The following XYLB variants were observed in gnomAD, a reference collection of about 807,000 sequenced individuals.
The protein encoded by XYLB is xylulose kinase.
A neutral mutation model predicts 78.7 loss-of-function variants in XYLB; 62 were observed. The observed-to-expected ratio is 0.79, with a 90% confidence interval of 0.64 to 0.97. The LOEUF (loss-of-function observed/expected upper bound fraction) is 0.97, where lower values mean the gene tolerates loss of function less well. Among genes scored for constraint, XYLB ranks in the 50% least tolerant of loss-of-function variants. The probability of loss-of-function intolerance (pLI) is 0.00; values close to 1 mark genes in which losing one functional copy is unlikely to be tolerated. For synonymous variants in XYLB, 245 were observed against 247.4 expected, an observed-to-expected ratio of 0.99 and a Z score of 0.09; for missense variants, 687 against 676.8, an observed-to-expected ratio of 1.02 and a Z score of -0.17.
chr3:38,450,676 T>C, the XYLB span, among the ~76,000 whole-genome samples: 9 of 152,220 alleles, frequency 5.9e-5, no homozygotes, highest in Non-Finnish European at 1.3e-4. Context: ...TTTTCAAATA[T>C]CCATTATCAC....
intron 4 of XYLB, among the ~76,000 whole-genome samples, chr3:38,364,428 C>T (rs974460154): frequency 2.0e-5 from 3 of 152,026 alleles, no homozygotes; most frequent in African/African-American, 2.4e-5. Flanking sequence ...CCCTGGTAAT[C>T]CAGGGTTCCT....
At chr3:38,376,311 G>T (rs1706853573) in intron 13 of XYLB, 79 bp downstream of exon 13, 3 of 965,828 alleles carry the variant, frequency 3.1e-6, no homozygotes, top group Non-Finnish European at 5.0e-6. Context: ...GGCCCCATGA[G>T]CTGGGGGAGA....
chr3:38,367,593 C>T (rs1427348776), intron 7 of XYLB, among the ~76,000 whole-genome samples: 2 of 152,158 alleles, frequency 1.3e-5, no homozygotes, highest in East Asian at 3.9e-4. Context: ...GTGTGTGGAA[C>T]GAAGTTTGCC....
chr3:38,348,766 G>A, intron 2 of XYLB, 134 bp downstream of exon 2: 1 of 735,212 alleles, frequency 1.4e-6, no homozygotes, highest in East Asian at 2.7e-5. Context: ...GACCTTTCAA[G>A]CATCTTTTTT....
At chr3:38,347,056 G>C in intron 1 of XYLB, 131 bp downstream of exon 1, 1 of 945,562 alleles carries the variant, frequency 1.1e-6, no homozygotes, top group Non-Finnish European at 1.4e-6. Flanking sequence ...GGCTTCCCGG[G>C]GCCCCCGCGC....
chr3:38,353,847 A>AGCAGTGAGCTGAGG, intron 2 of XYLB, among the ~76,000 whole-genome samples: 1 of 144,050 alleles, frequency 6.9e-6, no homozygotes, highest in Non-Finnish European at 1.5e-5. Flanking sequence ...AGATTGTGCC[A>AGCAGTGAGCTGAGG]CTGCATTCCA....
chr3:38,356,244 C>G (rs1442545747), intron 2 of XYLB: 1 of 70,046 alleles, frequency 1.4e-5, no homozygotes, highest in Non-Finnish European at 3.0e-5. Flanking sequence ...GAGCAAGACT[C>G]TGTCTCAAAA....
chr3:38,347,224 C>T (rs915509910), intron 1 of XYLB, among the ~76,000 whole-genome samples: 2 of 152,228 alleles, frequency 1.3e-5, no homozygotes, highest in Non-Finnish European at 2.9e-5. Context: ...CCCAGAGGGG[C>T]CGGAGGACTC....
intron 18 of XYLB, among the ~76,000 whole-genome samples, chr3:38,407,090 C>T (rs1369407711): frequency 6.9e-6 from 1 of 144,954 alleles, no homozygotes; most frequent in Non-Finnish European, 1.5e-5. Context: ...GTCAGATTCA[C>T]CAAAGTTGAA....
At chr3:38,440,180 C>T in the XYLB span, among the ~76,000 whole-genome samples, 8 of 152,286 alleles carry the variant, frequency 5.3e-5, no homozygotes, top group East Asian at 1.4e-3. Context: ...GGTCTGATTT[C>T]CTCAAGATTA....
Position 38,365,100 on chromosome 3 carries a change from C to G in XYLB, c.292-99C>G. On this transcript the variant is annotated intron_variant, in intron 4 of 18. Transcript: ENST00000207870. ...AGAAGTGGCAGGGGCAGGTGTGGAG[C>G]CCAGTTCTTTGGCATGTGGTCTGGG... The G allele has an allele frequency of 2.8e-6, 3 of 1,063,326 alleles. No individual in the cohort carries two copies. In the South Asian group the frequency reaches 4.1e-5, roughly 15 times the overall value. The allele number at this position is 1,063,326 out of a possible 1,614,324, so 65.9% of individuals were successfully genotyped here. A position where few individuals can be genotyped will look rare whatever the true frequency, so the allele number is the denominator to read the frequency against.
intron 17 of XYLB, among the ~76,000 whole-genome samples, chr3:38,397,458 G>A (rs1707920878): frequency 1.3e-5 from 2 of 152,174 alleles, no homozygotes; most frequent in Non-Finnish European, 1.5e-5. Flanking sequence ...AGAGCACGTG[G>A]GCATGAGTCT....
chr3:38,433,503 G>T, the XYLB span, among the ~76,000 whole-genome samples: 1 of 152,106 alleles, frequency 6.6e-6, no homozygotes, highest in Non-Finnish European at 1.5e-5. Flanking sequence ...AAACTTTTAT[G>T]CTCTGCTTCC....
At position 38,408,425 on chromosome 3, in the gene XYLB, G is replaced by A. The variant is rs1435400496; in HGVS notation, c.1534-4511G>A. Among the ~76,000 whole-genome samples, 773 of 150,200 alleles carry A rather than the reference G, an allele frequency of 5.1e-3. 2 individuals are homozygous for A. Among genetic ancestry groups the A allele is most frequent in the African/African-American group, 0.018 (726 of 41,266 alleles). ...TTTATAGCACTAAATGCCCACAAGAGAAAGCAGGAAAGATCCAAAATTGAC... is the reference window on the plus strand; with the variant it reads ...TTTATAGCACTAAATGCCCACAAGAAAAAGCAGGAAAGATCCAAAATTGAC... On this transcript the variant is annotated intron_variant, in intron 18 of 18. Coordinates refer to ENST00000207870, the MANE Select transcript of XYLB (RefSeq NM_005108.4).
rs1708715165 is a variant in XYLB, at chr3:38,414,285, T to C, written c.*1272T>C. 6.6e-6 allele frequency: 1 copy of C among 152,224 alleles called. No homozygotes were observed. Among genetic ancestry groups the C allele is most frequent in the Admixed American group, 6.5e-5 (1 of 15,286 alleles). The allele number at this position is 152,224 out of a possible 1,614,324, so 9.4% of individuals were successfully genotyped here. A position where few individuals can be genotyped will look rare whatever the true frequency, so the allele number is the denominator to read the frequency against. On this transcript the variant is annotated 3_prime_UTR_variant, in exon 19 of 19. Transcript: ENST00000207870. The stretch of plus-strand genomic sequence containing the variant: ...TGAATGGGACCAAAGGCATCACTTC[T>C]GATGGAGATGAAGCCATCTTGAAAG...
chr3:38,408,122 A>G (rs1288130707), intron 18 of XYLB, among the ~76,000 whole-genome samples: 1,310 of 124,196 alleles, frequency 0.011, no homozygotes, highest in Non-Finnish European at 0.013. Context: ...AAAATTGACC[A>G]CATACTTGGA....
chr3:38,357,804 T>A (rs75637448), intron 2 of XYLB, among the ~76,000 whole-genome samples: 1 of 152,110 alleles, frequency 6.6e-6, no homozygotes. Context: ...TGATGTTGAG[T>A]ATCTTTGCCA....
chr3:38,430,017 TG>T, the XYLB span, among the ~76,000 whole-genome samples: 1 of 152,230 alleles, frequency 6.6e-6, no homozygotes, highest in Non-Finnish European at 1.5e-5. Flanking sequence ...AGTAAACATA[TG>T]TGTTCGTGTG....
intron 9 of XYLB, 64 bp downstream of exon 9, chr3:38,370,238 G>GCACACACACACACA (rs1553653435): frequency 1.5e-5 from 5 of 326,738 alleles, no homozygotes; most frequent in East Asian, 4.8e-5. Flanking sequence ...AAGCACTGTA[G>GCACACACACACACA]CGCACACACA....
Sources: allele counts gnomAD v4.1 joint callset (sites outside exome capture counted in the v4.1 genomes callset), GRCh38; gene constraint gnomAD v4.1.1; transcripts MANE v1.5; gene names NCBI Gene and HGNC (gene_info 2026-07-23, HGNC 2026-07-21).